Variants in MACF1 observed in about 807,000 individuals in gnomAD.
MACF1 encodes microtubule-actin cross-linking factor 1.
A neutral mutation model predicts 854.8 loss-of-function variants in MACF1; 193 were observed. The ratio of observed to expected loss-of-function variants is 0.23; its 90% CI spans 0.20 to 0.25. The LOEUF is 0.25. Ranked by LOEUF, MACF1 falls within the 10% of genes least tolerant of loss-of-function variation. The pLI, the probability that MACF1 is intolerant of heterozygous loss-of-function variation, is 1.00. For missense variants in MACF1, 7,722 were observed against 8,929.1 expected (o/e 0.86, Z 5.45); for synonymous variants, 3,185 against 3,226.7 (o/e 0.99, Z 0.44).
chr1:39,149,309 A>T (rs1643526225), intron 2 of MACF1, among the ~76,000 whole-genome samples: 1 of 152,006 alleles, frequency 6.6e-6, no homozygotes, highest in African/African-American at 2.4e-5. Flanking sequence ...AGGTTGGGGG[A>T]TCACTTGAGG....
At chr1:39,228,714 C>A (rs908312161) in intron 1 of MACF1, among the ~76,000 whole-genome samples, 1 of 152,178 alleles carries the variant, frequency 6.6e-6, no homozygotes, top group African/African-American at 2.4e-5. Flanking sequence ...AGTGCAATGG[C>A]ACGATCTCAG....
intron 97 of MACF1, among the ~76,000 whole-genome samples, chr1:39,473,848 G>T (rs1435172550): frequency 1.3e-5 from 2 of 152,200 alleles, no homozygotes; most frequent in African/African-American, 4.8e-5. Flanking sequence ...TCAGCCTAGT[G>T]CAGGGAACAA....
At chr1:39,108,550 G>A (rs556444538) in intron 2 of MACF1, among the ~76,000 whole-genome samples, 59 of 132,170 alleles carry the variant, frequency 4.5e-4, no homozygotes, top group Admixed American at 3.4e-3. Context: ...TCACTCTGCT[G>A]CCCAGGCTGG....
At position 39,332,092 on chromosome 1, in the gene MACF1, C is replaced by T; in HGVS notation, c.5504C>T (p.Ala1835Val). Residue 1835 changes from alanine to valine, a missense_variant, in exon 37 of 101, where the codon GCT becomes GTT. Around this residue, in one of 15 missense-constraint regions of MACF1, gnomAD observed 1,531 missense variants for 1,601.6 expected, o/e 0.96. Coordinates refer to ENST00000564288, the MANE Select transcript of MACF1 (RefSeq NM_001394062.1). The part of the protein sequence containing the change: ...DEAVSNDLVA[A>V]KIALVILESL... Reference sequence around the variant, plus strand: ...GCAGTGAGCAATGATCTAGTAGCTGCTAAGATCGCCCTTGTGATTCTGGAG... The same window carrying T: ...GCAGTGAGCAATGATCTAGTAGCTGTTAAGATCGCCCTTGTGATTCTGGAG... 1 of 1,614,082 alleles carries T rather than the reference C, an allele frequency of 6.2e-7. No homozygotes were observed. The highest frequency in any genetic ancestry group is 8.5e-7 in the Non-Finnish European group (1 of 1,180,004).
In MACF1 at chr1:39,105,702, C is replaced by T; in HGVS notation, c.220+21264C>T. 8.1e-7 allele frequency: 1 copy of T among 1,227,224 alleles called. No individual in the cohort carries two copies. The highest frequency in any genetic ancestry group is 1.0e-6 in the Non-Finnish European group (1 of 957,116). 76.0% of individuals were successfully genotyped at this position (1,227,224 alleles called of 1,614,324 possible). A position where few individuals can be genotyped will look rare whatever the true frequency, so the allele number is the denominator to read the frequency against. On this transcript the variant is annotated intron_variant, in intron 2 of 93. Transcript: ENST00000361689. This position sits in a 1 kb window ranked among gnomAD's most constrained non-coding sequence, Gnocchi z 5.9. ...GTTCGTGCAGGCGTACGAGGATGTG[C>T]TGGAGCGGTACAAAGGTAGGGCCGG...
intron 49 of MACF1, among the ~76,000 whole-genome samples, chr1:39,362,307 T>C (rs1648263761): frequency 6.6e-6 from 1 of 152,232 alleles, no homozygotes; most frequent in East Asian, 1.9e-4. Context: ...ATTGCTGCCT[T>C]CGCTTTATCC....
At chr1:39,391,962 C>T (rs1167424365) in intron 58 of MACF1, among the ~76,000 whole-genome samples, 1 of 152,140 alleles carries the variant, frequency 6.6e-6, no homozygotes, top group East Asian at 1.9e-4. Context: ...CAAGGCAAGC[C>T]TGGAAGAAGA....
intron 6 of MACF1, among the ~76,000 whole-genome samples, chr1:39,275,270 G>A (rs1645412009): frequency 6.6e-6 from 1 of 152,080 alleles, no homozygotes; most frequent in Admixed American, 6.6e-5. Context: ...TTTTAGTAGA[G>A]ACGGGGTTTC....
chr1:39,269,112 G>C (rs1158510980), intron 6 of MACF1: 6 of 1,289,746 alleles, frequency 4.7e-6, no homozygotes, highest in Non-Finnish European at 6.1e-6. Context: ...TTCCCTGGAA[G>C]AGGGGATGAC....
intron 6 of MACF1, among the ~76,000 whole-genome samples, chr1:39,262,094 TTAGA>T (rs1268957662): frequency 5.9e-5 from 9 of 152,132 alleles, no homozygotes; most frequent in Non-Finnish European, 8.8e-5. Flanking sequence ...GAGCAAGGTC[TTAGA>T]TAGAGTGTAT....
chr1:39,285,487 A>G (rs1241548062), intron 13 of MACF1, 97 bp downstream of exon 13: 1 of 1,447,380 alleles, frequency 6.9e-7, no homozygotes, highest in Non-Finnish European at 9.5e-7. Context: ...AGGAATCCAG[A>G]TGTATTATTT....
intron 84 of MACF1, among the ~76,000 whole-genome samples, chr1:39,449,661 G>A (rs886791609): frequency 6.7e-5 from 10 of 149,732 alleles, no homozygotes; most frequent in African/African-American, 2.5e-4. Context: ...GCCTCCCAAA[G>A]TGCTGGGATT....
chr1:39,236,416 G>T (rs2148315001), intron 2 of MACF1, among the ~76,000 whole-genome samples: 1 of 152,226 alleles, frequency 6.6e-6, no homozygotes, highest in African/African-American at 2.4e-5. Context: ...TGTTCTGCCT[G>T]GATAACACAA....
Position 39,335,600 on chromosome 1 carries a change from C to A in MACF1, c.9012C>A (p.Ala3004=). 6.2e-7 allele frequency: 1 copy of A among 1,614,090 alleles called. No homozygotes were observed. Among genetic ancestry groups the A allele is most frequent in the South Asian group, 1.1e-5 (1 of 91,076 alleles). The change falls in exon 37 of 101, where the codon GCC becomes GCA. Residue 3004 remains alanine (A), a synonymous_variant. Coordinates refer to ENST00000564288, the MANE Select transcript of MACF1 (RefSeq NM_001394062.1). ...AAGAAAAGTTGTATCAGGAAACTGC[C>A]ATTAGAGATGAGCATGACTCCCATA... is the stretch of plus-strand genomic sequence containing the variant. ...LSEEKLYQET[A]IRDEHDSHIK... is the part of the protein sequence containing the mutation.
intron 28 of MACF1, 27 bp downstream of exon 28, chr1:39,316,556 G>A (rs772582557): frequency 1.7e-5 from 28 of 1,602,148 alleles, no homozygotes; most frequent in Non-Finnish European, 6.8e-6. Context: ...TTCTTAGGAG[G>A]TTGACCTAAC....
At chr1:39,126,412 A>G (rs919143888) in intron 2 of MACF1, among the ~76,000 whole-genome samples, 2 of 152,198 alleles carry the variant, frequency 1.3e-5, no homozygotes, top group African/African-American at 2.4e-5. Context: ...GATCATTTGT[A>G]AAGACCCTAT....
intron 6 of MACF1, among the ~76,000 whole-genome samples, chr1:39,264,234 T>A (rs1645203037): frequency 6.6e-6 from 1 of 152,242 alleles, no homozygotes; most frequent in South Asian, 2.1e-4. Context: ...AAGAGGGTTT[T>A]GGGATTGATA....
intron 26 of MACF1, among the ~76,000 whole-genome samples, chr1:39,312,950 C>T (rs1646331901): frequency 6.6e-6 from 1 of 152,112 alleles, no homozygotes; most frequent in South Asian, 2.1e-4. Context: ...CCCTAGCTAC[C>T]CCAAGAAGGA....
chr1:39,441,689 A>C (rs540197373), intron 74 of MACF1, among the ~76,000 whole-genome samples: 29 of 152,362 alleles, frequency 1.9e-4, no homozygotes, highest in African/African-American at 7.0e-4. Flanking sequence ...GCTGGGATTG[A>C]AAAATCTTCA....
Sources: allele counts gnomAD v4.1 joint callset (sites outside exome capture counted in the v4.1 genomes callset), GRCh38; gene constraint gnomAD v4.1.1; regional missense constraint gnomAD v4.1.1; non-coding constraint Gnocchi (gnomAD v3.1); transcripts MANE v1.5; gene names NCBI Gene and HGNC (gene_info 2026-07-23, HGNC 2026-07-21).